PARVA: variants seen among roughly 807,000 people sequenced by gnomAD.
PARVA encodes the protein parvin alpha.
A neutral mutation model predicts 52.6 loss-of-function variants in PARVA; 25 were observed. That is an observed-to-expected ratio of 0.48 (90% CI 0.35 to 0.66). The LOEUF is 0.66. Among genes scored for constraint, PARVA ranks in the 30% least tolerant of loss-of-function variants. The pLI, the probability that PARVA is intolerant of heterozygous loss-of-function variation, is 0.01. For missense variants in PARVA, 373 were observed against 450.9 expected, an observed-to-expected ratio of 0.83 and a Z score of 1.56; for synonymous variants, 185 against 179.1, an observed-to-expected ratio of 1.03 and a Z score of -0.26.
intron 8 of PARVA, among the ~76,000 whole-genome samples, chr11:12,512,598 C>T (rs1941516178): frequency 6.6e-6 from 1 of 152,218 alleles, no homozygotes; most frequent in African/African-American, 2.4e-5. Flanking sequence ...TTTCTATGAT[C>T]CTGATATTTA....
At chr11:12,399,238 C>T (rs928784509) in intron 1 of PARVA, among the ~76,000 whole-genome samples, 1 of 152,146 alleles carries the variant, frequency 6.6e-6, no homozygotes, top group Non-Finnish European at 1.5e-5. Context: ...AAAGTTTTTT[C>T]TTGTAATAGC....
At chr11:12,417,939 T>G (rs1438943964) in intron 1 of PARVA, among the ~76,000 whole-genome samples, 1 of 152,086 alleles carries the variant, frequency 6.6e-6, no homozygotes, top group Non-Finnish European at 1.5e-5. Context: ...TCCTCCAGAT[T>G]AGAGACCCCA....
chr11:12,420,915 C>G (rs913178529), intron 1 of PARVA, among the ~76,000 whole-genome samples: 2 of 152,070 alleles, frequency 1.3e-5, no homozygotes, highest in Non-Finnish European at 2.9e-5. Context: ...CCCCACCCAG[C>G]GAGAATGGAA....
intron 1 of PARVA, among the ~76,000 whole-genome samples, chr11:12,440,977 C>T (rs1181262040): frequency 9.9e-5 from 15 of 152,222 alleles, no homozygotes; most frequent in Admixed American, 9.8e-4. Flanking sequence ...TATCAGGTAA[C>T]CTAACATAGC....
intron 1 of PARVA, among the ~76,000 whole-genome samples, chr11:12,382,387 T>C (rs951402175): frequency 2.0e-4 from 31 of 152,106 alleles, no homozygotes; most frequent in South Asian, 6.2e-4. Flanking sequence ...TTTTCTTTTT[T>C]TTTTTTTTTA....
chr11:12,484,028 C>A (rs1212551116), intron 4 of PARVA, among the ~76,000 whole-genome samples: 1 of 152,192 alleles, frequency 6.6e-6, no homozygotes, highest in Non-Finnish European at 1.5e-5. Context: ...TACTCTTACT[C>A]CATGGCATCA....
chr11:12,474,013 G>A (rs764510195), intron 3 of PARVA, 30 bp downstream of exon 3: 2 of 1,534,280 alleles, frequency 1.3e-6, no homozygotes, highest in Non-Finnish European at 1.8e-6. Flanking sequence ...GGCTTCAGGT[G>A]CCTCACTGAC....
intron 5 of PARVA, 73 bp downstream of exon 5, chr11:12,496,671 C>A: frequency 6.7e-7 from 1 of 1,485,022 alleles, no homozygotes; most frequent in South Asian, 1.3e-5. Context: ...CCCCAAGAAG[C>A]CATCCATAAG....
At chr11:12,413,634 G>T (rs962099107) in intron 1 of PARVA, among the ~76,000 whole-genome samples, 1 of 152,238 alleles carries the variant, frequency 6.6e-6, no homozygotes, top group Admixed American at 6.5e-5. Flanking sequence ...TTTTGACCCA[G>T]CTGCACATGA....
rs1941456943 is a variant in PARVA at position 12,508,115 on chromosome 11, A to AC, written c.658-469_658-468insC. Among the ~76,000 whole-genome samples, 2 of 124,112 alleles carry AC rather than the reference A, an allele frequency of 1.6e-5. 1 individual carries two copies. The highest frequency in any genetic ancestry group is 7.3e-5 in the African/African-American group (2 of 27,234). The allele number at this position is 124,112 out of a possible 152,430, so 81.4% of individuals were successfully genotyped here. ...TTTATCAGTTAAAAAAAAAAAAAAA[A>AC]AAAAAAACCAAAAAAAAAAACCCTC... On this transcript the variant is annotated intron_variant, in intron 6 of 12. Coordinates refer to ENST00000334956, the MANE Select transcript of PARVA (RefSeq NM_018222.5).
intron 1 of PARVA, among the ~76,000 whole-genome samples, chr11:12,431,074 G>T (rs948329429): frequency 1.3e-5 from 2 of 152,194 alleles, no homozygotes; most frequent in African/African-American, 4.8e-5. Context: ...TGGAAGGCGG[G>T]AATAACCTGT....
chr11:12,504,186 C>A, intron 5 of PARVA, 128 bp from the exon 6 acceptor site: 1 of 633,842 alleles, frequency 1.6e-6, no homozygotes, highest in South Asian at 1.9e-5. Flanking sequence ...TACATTTCAG[C>A]ATGAGATTTG....
In PARVA at chr11:12,518,431, ATC is replaced by A. The variant is rs745501342; in HGVS notation, c.970-8_970-7del. 16 of 1,610,280 alleles carry A rather than the reference ATC, an allele frequency of 9.9e-6. No individual in the cohort carries two copies. The highest frequency in any genetic ancestry group is 1.3e-5 in the African/African-American group (1 of 74,844). On this transcript the variant is annotated splice_polypyrimidine_tract_variant and intron_variant, in intron 11 of 12. Coordinates refer to ENST00000334956, the MANE Select transcript of PARVA (RefSeq NM_018222.5). ...GTGTGCAATGGTACATGCTGTCTGC[ATC>A]TCTCTTGCCAGGTCTTGAATGTCTC...
At chr11:12,437,782 G>A (rs1447981257) in intron 1 of PARVA, among the ~76,000 whole-genome samples, 1 of 152,194 alleles carries the variant, frequency 6.6e-6, no homozygotes, top group Non-Finnish European at 1.5e-5. Flanking sequence ...TGTGGGGAAT[G>A]TGCAGGGGAG....
intron 5 of PARVA, among the ~76,000 whole-genome samples, chr11:12,502,682 G>T (rs1941378725): frequency 6.6e-6 from 1 of 152,088 alleles, no homozygotes; most frequent in Non-Finnish European, 1.5e-5. Context: ...AATGATAGGG[G>T]CACACAAATG....
At chr11:12,517,760 C>A in intron 11 of PARVA, 49 bp downstream of exon 11, 1 of 1,290,384 alleles carries the variant, frequency 7.7e-7, no homozygotes, top group Non-Finnish European at 1.1e-6. Context: ...CATCCCCTGA[C>A]TCATGTGCCC....
At chr11:12,491,605 A>G (rs1280815700) in intron 4 of PARVA, among the ~76,000 whole-genome samples, 1 of 152,258 alleles carries the variant, frequency 6.6e-6, no homozygotes, top group Admixed American at 6.5e-5. Flanking sequence ...GGCAAAAGGC[A>G]TTACTACAGA....
At chr11:12,389,282 G>C (rs1290638201) in intron 1 of PARVA, among the ~76,000 whole-genome samples, 1 of 152,080 alleles carries the variant, frequency 6.6e-6, no homozygotes, top group Non-Finnish European at 1.5e-5. Context: ...TATCACCCCA[G>C]TGTCTGCTCC....
At chr11:12,425,374 C>T (rs1940216428) in intron 1 of PARVA, among the ~76,000 whole-genome samples, 1 of 152,164 alleles carries the variant, frequency 6.6e-6, no homozygotes, top group African/African-American at 2.4e-5. Context: ...TCATTGGATT[C>T]CTCAAGGCCT....
Sources: gnomAD v4.1 joint callset for allele counts (sites outside exome capture counted in the v4.1 genomes callset) on GRCh38, gnomAD v4.1.1 for gene constraint, MANE v1.5 for transcripts, NCBI Gene and HGNC (gene_info 2026-07-23, HGNC 2026-07-21) for gene names.